ADAMTS17: variants seen among roughly 807,000 people sequenced by gnomAD.
The protein encoded by ADAMTS17 is ADAM metallopeptidase with thrombospondin type 1 motif 17.
A neutral mutation model predicts 141.5 loss-of-function variants in ADAMTS17; 113 were observed. That is an observed-to-expected ratio of 0.80 (90% confidence interval 0.69 to 0.93). The LOEUF is 0.93. Among genes scored for constraint, ADAMTS17 ranks in the 40% least tolerant of loss-of-function variants. The pLI, the probability that ADAMTS17 is intolerant of heterozygous loss-of-function variation, is 0.00. For synonymous variants in ADAMTS17, 768 were observed against 630.6 expected (o/e 1.22, Z -3.27); for missense variants, 1,659 against 1,517.9 (o/e 1.09, Z -1.54).
chr15:100,332,337 G>T (rs1444140339), intron 2 of ADAMTS17, among the ~76,000 whole-genome samples: 2 of 152,250 alleles, frequency 1.3e-5, no homozygotes, highest in Non-Finnish European at 2.9e-5. Context: ...CATCACAGCT[G>T]TGCGCGATGC....
chr15:100,219,982 C>T (rs1264662572), intron 7 of ADAMTS17, among the ~76,000 whole-genome samples: 1 of 152,118 alleles, frequency 6.6e-6, no homozygotes, highest in African/African-American at 2.4e-5. Context: ...GAGGCGGGTA[C>T]AATTTTATTA....
At chr15:100,213,894 C>A (rs934350879) in intron 7 of ADAMTS17, among the ~76,000 whole-genome samples, 18 of 152,232 alleles carry the variant, frequency 1.2e-4, no homozygotes, top group African/African-American at 4.1e-4. Flanking sequence ...AGGTGCTGAG[C>A]CCCTATGTCA....
rs754428294 is a variant in ADAMTS17, at chr15:100,152,681, C to T, written c.1404G>A (p.Met468Ile). 4 of 1,614,110 alleles carry T rather than the reference C, an allele frequency of 2.5e-6. No homozygotes were observed. The highest frequency in any genetic ancestry group is 4.5e-5 in the East Asian group (2 of 44,890). ...TVRLPHKLPGMHYSANEQCQI... is the reference protein window; with the variant it reads ...TVRLPHKLPGIHYSANEQCQI... ...GGCACTGCTCGTTGGCACTGTAGTG[C>T]ATGCCCGGCAGCTTGTGCGGGAGGC... Residue 468 changes from methionine (M) to isoleucine (I), a missense_variant, in exon 10 of 22, where the codon ATG (methionine) becomes ATA (isoleucine). Transcript: ENST00000268070.
chr15:100,134,240 C>T (rs866828948), intron 10 of ADAMTS17, among the ~76,000 whole-genome samples: 10 of 152,182 alleles, frequency 6.6e-5, no homozygotes, highest in Admixed American at 3.9e-4. Context: ...GCCCCGCTGC[C>T]GACAGCAGTC....
intron 4 of ADAMTS17, among the ~76,000 whole-genome samples, chr15:100,264,487 C>T (rs763498167): frequency 2.0e-5 from 3 of 152,150 alleles, no homozygotes; most frequent in South Asian, 2.1e-4. Context: ...CTGCCTGTCA[C>T]GCCAAGCCCA....
intron 12 of ADAMTS17, 43 bp from the exon 13 acceptor site, chr15:100,117,056 C>G: frequency 6.4e-7 from 1 of 1,559,606 alleles, no homozygotes; most frequent in Non-Finnish European, 8.7e-7. Context: ...GTGGTGCGAC[C>G]AAAGGGCAGG....
At chr15:100,116,668 G>C (rs1210050157) in intron 13 of ADAMTS17, among the ~76,000 whole-genome samples, 179 bp downstream of exon 13, 2 of 152,262 alleles carry the variant, frequency 1.3e-5, no homozygotes, top group African/African-American at 4.8e-5. Flanking sequence ...AGAGAGCTGG[G>C]TCATTCAAGG....
At chr15:100,120,411 C>G (rs118156779) in intron 12 of ADAMTS17, among the ~76,000 whole-genome samples, 1 of 152,328 alleles carries the variant, frequency 6.6e-6, no homozygotes, top group Non-Finnish European at 1.5e-5. Flanking sequence ...CCTTATCTTC[C>G]AAATATCTGG....
At chr15:100,082,126 T>G (rs1172816037) in intron 15 of ADAMTS17, among the ~76,000 whole-genome samples, 1 of 151,486 alleles carries the variant, frequency 6.6e-6, no homozygotes, top group African/African-American at 2.4e-5. Context: ...AGTGCAGCGG[T>G]GCAATCTTGG....
intron 15 of ADAMTS17, among the ~76,000 whole-genome samples, chr15:100,088,339 G>A (rs893897876): frequency 6.6e-6 from 1 of 152,056 alleles, no homozygotes; most frequent in African/African-American, 2.4e-5. Context: ...AAATAAAAGA[G>A]GATACAAACA....
chr15:100,332,829 G>A (rs1011269110), intron 2 of ADAMTS17, among the ~76,000 whole-genome samples: 1 of 152,208 alleles, frequency 6.6e-6, no homozygotes, highest in African/African-American at 2.4e-5. Flanking sequence ...GGACTAGTGG[G>A]TACTCGCCCC....
chr15:100,219,351 T>C (rs1331965903), intron 7 of ADAMTS17, among the ~76,000 whole-genome samples: 2 of 152,114 alleles, frequency 1.3e-5, no homozygotes, highest in Non-Finnish European at 2.9e-5. Flanking sequence ...GGTATGCAAA[T>C]TGTACTTCAA....
chr15:100,229,181 C>A lies in ADAMTS17; in HGVS notation c.1075+24955G>T, dbSNP rs574420221. On this transcript the variant is annotated intron_variant, in intron 7 of 21. Coordinates refer to ENST00000268070, the MANE Select transcript of ADAMTS17 (RefSeq NM_139057.4). ...CACTGACACTGCAGGTGCTGAGGAG[C>A]CAGCACAGCTTTAAGTCCTGCACAA... is the stretch of plus-strand genomic sequence containing the variant. 2.0e-5 allele frequency among the ~76,000 whole-genome samples: 3 copies of A among 152,240 alleles called. No individual in the cohort carries two copies. The South Asian group carries it at 6.2e-4, about 32-fold the overall frequency.
In ADAMTS17 at chr15:100,341,285, G is replaced by T; in HGVS notation, c.204C>A (p.Pro68=). ...CGGGCCGGGCGCGCGGGGCGGCTGGGGGCGTGCGGGGGCGTCGCCGCCGTC... is the reference window on the plus strand; with the variant it reads ...CGGGCCGGGCGCGCGGGGCGGCTGGTGGCGTGCGGGGGCGTCGCCGCCGTC... The part of the protein sequence containing the change: ...GPRRRRRPRT[P]PAAPRARPGE... Residue 68 remains proline, a synonymous_variant, in exon 2 of 22, where the codon CCC becomes CCA. Transcript: ENST00000268070. 1 of 1,127,374 alleles carries T rather than the reference G, an allele frequency of 8.9e-7. No individual in the cohort carries two copies. Among genetic ancestry groups the T allele is most frequent in the Non-Finnish European group, 1.1e-6 (1 of 924,244 alleles). The allele number at this position is 1,127,374 out of a possible 1,614,324, so 69.8% of individuals were successfully genotyped here.
At chr15:100,250,845 C>T (rs1470863314) in intron 7 of ADAMTS17, among the ~76,000 whole-genome samples, 3 of 152,194 alleles carry the variant, frequency 2.0e-5, no homozygotes, top group Admixed American at 6.5e-5. Flanking sequence ...CAACAGACCT[C>T]TCTGTACTCT....
chr15:100,272,134 G>A (rs28796010), intron 4 of ADAMTS17, among the ~76,000 whole-genome samples: 68,837 of 151,962 alleles, frequency 0.45, 15,991 homozygotes, highest in East Asian at 0.61. Context: ...TTTGAAATGA[G>A]GAAGTGTGAG....
intron 3 of ADAMTS17, among the ~76,000 whole-genome samples, chr15:100,298,383 C>A (rs1021012374): frequency 6.6e-6 from 1 of 152,150 alleles, no homozygotes; most frequent in African/African-American, 2.4e-5. Context: ...GAAAGGACAA[C>A]TGTCGCTCTG....
intron 4 of ADAMTS17, among the ~76,000 whole-genome samples, chr15:100,278,669 T>A (rs1018660766): frequency 2.6e-5 from 4 of 152,090 alleles, no homozygotes; most frequent in African/African-American, 9.7e-5. Context: ...GAGAGGCATG[T>A]CCCGAAAGCC....
intron 7 of ADAMTS17, among the ~76,000 whole-genome samples, chr15:100,207,892 C>T (rs1225748434): frequency 1.3e-5 from 2 of 152,138 alleles, no homozygotes; most frequent in African/African-American, 4.8e-5. Flanking sequence ...GCAGGAGACT[C>T]CCTGGAAATC....
Sources: allele counts gnomAD v4.1 joint callset (sites outside exome capture counted in the v4.1 genomes callset), GRCh38; gene constraint gnomAD v4.1.1; transcripts MANE v1.5; gene names NCBI Gene and HGNC (gene_info 2026-07-23, HGNC 2026-07-21).